CXCL17: variants seen among roughly 807,000 people sequenced by gnomAD.
The protein encoded by CXCL17 is C-X-C motif chemokine ligand 17.
Under a neutral mutation model 15.5 loss-of-function variants are expected in CXCL17, and 9 were observed. The observed-to-expected ratio is 0.58, with a 90% CI of 0.35 to 1.01. The LOEUF (loss-of-function observed/expected upper bound fraction) is 1.01. Among genes scored for constraint, CXCL17 ranks in the 50% least tolerant of loss-of-function variants. The pLI, the probability that CXCL17 is intolerant of heterozygous loss-of-function variation, is 0.02. For synonymous variants in CXCL17, 52 were observed against 52.3 expected (o/e 0.99, Z 0.02); for missense variants, 133 against 138.2 (o/e 0.96, Z 0.19).
At chr19:42,432,268 C>T (rs2040790783) in intron 3 of CXCL17, among the ~76,000 whole-genome samples, 1 of 151,754 alleles carries the variant, frequency 6.6e-6, no homozygotes, top group Admixed American at 6.6e-5. Flanking sequence ...CCTCAACCTC[C>T]CGAGTAGCTG....
Position 42,433,832 on chromosome 19 carries a change from C to A in CXCL17, c.104G>T (p.Arg35Leu). 6.2e-7 allele frequency: 1 copy of A among 1,614,016 alleles called. No homozygotes were observed. Among genetic ancestry groups the A allele is most frequent in the Non-Finnish European group, 8.5e-7 (1 of 1,179,988 alleles). ...GAGCCATCTCCTAGAAGCCTGGCCT[C>A]GGTCCCTGTGGCCTCTGGCGACCCC... is the stretch of plus-strand genomic sequence containing the variant. ...NPGVARGHRD[R>L]GQASRRWLQE... Residue 35 changes from arginine (R) to leucine (L), a missense_variant, in exon 2 of 4, where the codon CGA becomes CTA. Transcript: ENST00000601181.
rs371511365 is a variant in CXCL17, at chr19:42,436,270, C to T, written c.80-2414G>A. On this transcript the variant is annotated intron_variant, in intron 1 of 3. Coordinates refer to ENST00000601181, the MANE Select transcript of CXCL17 (RefSeq NM_198477.3). ...TCTGCCACACAGATGGAGGGGGTTG[C>T]GTCATTTCCCCAAGGGCTGCTTTTC... Among the ~76,000 whole-genome samples, 30 of 152,268 alleles carry T rather than the reference C, an allele frequency of 2.0e-4. No homozygotes were observed. In the East Asian group the frequency reaches 3.7e-3, roughly 19 times the overall value.
Position 42,428,294 on chromosome 19 carries a change from A to G in CXCL17, c.*590T>C, listed in dbSNP as rs971811457. ...TGTGCCAAGTTTTTTTTTTAAACCT[A>G]TATTATCTTTAATAAGACCGTGTCT... On this transcript the variant is annotated 3_prime_UTR_variant, in exon 4 of 4. Transcript: ENST00000601181. The G allele has an allele frequency of 1.3e-5, 2 of 151,502 alleles. No individual in the cohort carries two copies. The highest frequency in any genetic ancestry group is 2.9e-5 in the Non-Finnish European group (2 of 67,950). The allele number at this position is 151,502 out of a possible 1,614,324, so 9.4% of individuals were successfully genotyped here.
At chr19:42,435,566 C>T (rs1600161635) in intron 1 of CXCL17, among the ~76,000 whole-genome samples, 1 of 152,108 alleles carries the variant, frequency 6.6e-6, no homozygotes, top group South Asian at 2.1e-4. Context: ...GGCGCGGTGG[C>T]TCATGCCTAT....
chr19:42,434,753 A>G (rs1477007506), intron 1 of CXCL17, among the ~76,000 whole-genome samples: 1 of 152,164 alleles, frequency 6.6e-6, no homozygotes, highest in African/African-American at 2.4e-5. Flanking sequence ...TTGAATCCAG[A>G]GTCCCAGTTC....
intron 3 of CXCL17, among the ~76,000 whole-genome samples, chr19:42,432,183 C>T (rs921196362): frequency 6.1e-4 from 74 of 120,772 alleles, no homozygotes; most frequent in African/African-American, 2.4e-3. Flanking sequence ...CTCACTCTGT[C>T]GCCCAGGCTG....
At chr19:42,442,721 C>T in intron 1 of CXCL17, 33 bp downstream of exon 1, 3 of 1,529,808 alleles carry the variant, frequency 2.0e-6, no homozygotes, top group Non-Finnish European at 2.7e-6. Flanking sequence ...CATTTCTCCC[C>T]CCGTTTTCCC....
At chr19:42,440,297 C>T (rs933798030) in intron 1 of CXCL17, among the ~76,000 whole-genome samples, 9 of 151,802 alleles carry the variant, frequency 5.9e-5, no homozygotes, top group African/African-American at 1.9e-4. Context: ...TTTCTATTTC[C>T]CTTAACCCTG....
At chr19:42,430,385 C>T (rs2040766138) in intron 3 of CXCL17, among the ~76,000 whole-genome samples, 1 of 152,016 alleles carries the variant, frequency 6.6e-6, no homozygotes, top group African/African-American at 2.4e-5. Context: ...CACCTGAGGT[C>T]AGGGGTTCGA....
rs2040809252 is a variant in CXCL17, at chr19:42,433,930, T to A, written c.80-74A>T. The A allele has an allele frequency of 3.4e-5, 38 of 1,127,990 alleles. No homozygotes were observed. In the South Asian group the frequency reaches 4.4e-4, roughly 13 times the overall value. The allele number at this position is 1,127,990 out of a possible 1,614,324, so 69.9% of individuals were successfully genotyped here. A position where few individuals can be genotyped will look rare whatever the true frequency, so the allele number is the denominator to read the frequency against. ...ATGATCCTCCCAGCATTGTTCTACC[T>A]AGGTCAGCACAGTTCCATTTTTCCA... On this transcript the variant is annotated intron_variant, in intron 1 of 3. Transcript: ENST00000601181.
In CXCL17 at chr19:42,433,019, C is replaced by T; in HGVS notation, c.219G>A (p.Lys73=). The part of the protein sequence containing the change: ...KFMTVSGLPK[K]QCPCDHFKGN... ...CCTTGAAATGATCACAGGGGCACTGCTTCTTTGGCAGCCCAGACACTGTCA... is the reference window on the plus strand; with the variant it reads ...CCTTGAAATGATCACAGGGGCACTGTTTCTTTGGCAGCCCAGACACTGTCA... Residue 73 remains lysine, a synonymous_variant, in exon 3 of 4, where the codon AAG becomes AAA. Transcript: ENST00000601181. The T allele has an allele frequency of 6.2e-7, 1 of 1,614,126 alleles. No individual in the cohort carries two copies. Among genetic ancestry groups the T allele is most frequent in the African/African-American group, 1.3e-5 (1 of 75,048 alleles).
At position 42,433,769 on chromosome 19, in the gene CXCL17, T is replaced by C. The variant is rs1320753951; in HGVS notation, c.160+7A>G. ...GCCATCGCTGTTGTTGTTGCTGAAT[T>C]ACTGACCTTTGCACTCACATTCTTG... On this transcript the variant is annotated splice_region_variant and intron_variant, in intron 2 of 3. Coordinates refer to ENST00000601181, the MANE Select transcript of CXCL17 (RefSeq NM_198477.3). 1 of 1,613,054 alleles carries C rather than the reference T, an allele frequency of 6.2e-7. No individual in the cohort carries two copies. Among genetic ancestry groups the C allele is most frequent in the African/African-American group, 1.3e-5 (1 of 74,890 alleles).
Position 42,428,676 on chromosome 19 carries a change from G to A in CXCL17, c.*208C>T, listed in dbSNP as rs1449958976. 1 of 494,398 alleles carries A rather than the reference G, an allele frequency of 2.0e-6. No individual in the cohort carries two copies. Among genetic ancestry groups the A allele is most frequent in the Non-Finnish European group, 3.6e-6 (1 of 277,080 alleles). The allele number at this position is 494,398 out of a possible 1,614,324, so 30.6% of individuals were successfully genotyped here. On this transcript the variant is annotated 3_prime_UTR_variant, in exon 4 of 4. Coordinates refer to ENST00000601181, the MANE Select transcript of CXCL17 (RefSeq NM_198477.3). Reference sequence around the variant, plus strand: ...TAAGCCTAAGCCTGGGTAAGGGGAGGGCACAGGCTAAGACTGACGAGAGAA... The same window carrying A: ...TAAGCCTAAGCCTGGGTAAGGGGAGAGCACAGGCTAAGACTGACGAGAGAA...
At chr19:42,429,680 G>A (rs2040757273) in intron 3 of CXCL17, among the ~76,000 whole-genome samples, 1 of 151,984 alleles carries the variant, frequency 6.6e-6, no homozygotes, top group Admixed American at 6.6e-5. Context: ...GACTCATCCA[G>A]TGGAAAAAAA....
chr19:42,442,925 G>T lies in CXCL17; in HGVS notation c.-93C>A. The T allele has an allele frequency of 1.1e-6, 1 of 924,768 alleles. No homozygotes were observed. The highest frequency in any genetic ancestry group is 1.7e-6 in the Non-Finnish European group (1 of 587,366). The allele number at this position is 924,768 out of a possible 1,614,324, so 57.3% of individuals were successfully genotyped here. A position where few individuals can be genotyped will look rare whatever the true frequency, so the allele number is the denominator to read the frequency against. ...GATCCCTGGGGATGACTCAGGTCAGGATACTCAGCCTGGTGGTCTATGCTT... is the reference window on the plus strand; with the variant it reads ...GATCCCTGGGGATGACTCAGGTCAGTATACTCAGCCTGGTGGTCTATGCTT... On this transcript the variant is annotated 5_prime_UTR_variant, in exon 1 of 4. Transcript: ENST00000601181.
At chr19:42,442,705 T>C in intron 1 of CXCL17, 49 bp downstream of exon 1, 1 of 1,362,572 alleles carries the variant, frequency 7.3e-7, no homozygotes, top group South Asian at 1.2e-5. Context: ...GTGGCCTGTT[T>C]TGCCACATTT....
intron 1 of CXCL17, among the ~76,000 whole-genome samples, chr19:42,440,997 A>G (rs2040886502): frequency 6.6e-6 from 1 of 152,166 alleles, no homozygotes; most frequent in South Asian, 2.1e-4. Flanking sequence ...TACACAGAAC[A>G]GCCCCCACCG....
intron 2 of CXCL17, among the ~76,000 whole-genome samples, chr19:42,433,538 G>T: frequency 6.6e-6 from 1 of 152,224 alleles, no homozygotes; most frequent in African/African-American, 2.4e-5. Flanking sequence ...TTCAGGAAAA[G>T]GATAAGGGGC....
chr19:42,429,574 C>A (rs1009856583), intron 3 of CXCL17, among the ~76,000 whole-genome samples: 1 of 152,154 alleles, frequency 6.6e-6, no homozygotes, highest in African/African-American at 2.4e-5. Flanking sequence ...GTGATCCACC[C>A]GCTTTTGCCT....
Sources: gnomAD v4.1 joint callset for allele counts (sites outside exome capture counted in the v4.1 genomes callset) on GRCh38, gnomAD v4.1.1 for gene constraint, MANE v1.5 for transcripts, NCBI Gene and HGNC (gene_info 2026-07-23, HGNC 2026-07-21) for gene names.